ECT2: variants seen among roughly 807,000 people sequenced by gnomAD.
ECT2 encodes the protein protein ECT2.
In ECT2, 61 loss-of-function variants were observed where a neutral mutation model predicts 116.9. The observed-to-expected ratio is 0.52, with a 90% CI of 0.42 to 0.65. The LOEUF (loss-of-function observed/expected upper bound fraction) is 0.65. Ranked by LOEUF, ECT2 falls within the 30% of genes least tolerant of loss-of-function variation. The pLI, the probability that ECT2 is intolerant of heterozygous loss-of-function variation, is 0.00. For missense variants in ECT2, 937 were observed against 1,078.7 expected (o/e 0.87, Z 1.84); for synonymous variants, 358 against 346.4 (o/e 1.03, Z -0.37).
At chr3:172,822,505 T>A (rs538710338), downstream of ECT2, among the ~76,000 whole-genome samples, 1 of 152,084 alleles carries the variant, frequency 6.6e-6, no homozygotes, top group Admixed American at 6.5e-5. Flanking sequence ...GAGGCTAATA[T>A]ATAAGCCTTA....
intron 13 of ECT2, among the ~76,000 whole-genome samples, chr3:172,769,704 C>A (rs951108004): frequency 2.0e-5 from 3 of 152,064 alleles, no homozygotes; most frequent in Non-Finnish European, 4.4e-5. Context: ...AAGAAAACAG[C>A]TCTAATGAAT....
At position 172,774,027 on chromosome 3, in the gene ECT2, A is replaced by C. The variant is rs749854336; in HGVS notation, c.1548+5A>C. The stretch of plus-strand genomic sequence containing the variant: ...GATGTACACACTAAGATAAAGGTAA[A>C]TTTGTATATGTTAGATTGGTAGTAA... On this transcript the variant is annotated splice_donor_5th_base_variant and intron_variant, in intron 14 of 24. Coordinates refer to ENST00000392692, the MANE Select transcript of ECT2 (RefSeq NM_001258315.2). The C allele has an allele frequency of 6.2e-7, 1 of 1,609,310 alleles. No individual in the cohort carries two copies. Among genetic ancestry groups the C allele is most frequent in the South Asian group, 1.1e-5 (1 of 90,700 alleles).
intron 11 of ECT2, 133 bp from the exon 12 acceptor site, chr3:172,764,145 T>G: frequency 1.3e-6 from 1 of 742,334 alleles, no homozygotes; most frequent in Non-Finnish European, 2.2e-6. Flanking sequence ...TTGAATTGCC[T>G]GGTAGAGTGT....
intron 18 of ECT2, among the ~76,000 whole-genome samples, chr3:172,794,637 C>G (rs1725284733): frequency 6.6e-6 from 1 of 152,038 alleles, no homozygotes; most frequent in African/African-American, 2.4e-5. Flanking sequence ...ACAACAACAA[C>G]AACAACAAAA....
chr3:172,820,153 C>T lies in ECT2; in HGVS notation c.2661C>T (p.Ile887=). Residue 887 remains isoleucine, a synonymous_variant, in exon 25 of 25, where the codon ATC becomes ATT. Transcript: ENST00000392692. ...TGTTTGTTTTGTCTTAACAGGGTAT[C>T]CCTTCTCCCTCCCTTGTCAGCCTTC... ...RLSSTSSLAG[I]PSPSLVSLPS... 1 of 1,607,034 alleles carries T rather than the reference C, an allele frequency of 6.2e-7. No homozygotes were observed. Among genetic ancestry groups the T allele is most frequent in the Non-Finnish European group, 8.5e-7 (1 of 1,175,522 alleles).
chr3:172,773,741 AT>A (rs1376409343), intron 13 of ECT2, among the ~76,000 whole-genome samples, 161 bp from the exon 14 acceptor site: 2 of 152,232 alleles, frequency 1.3e-5, no homozygotes, highest in Admixed American at 6.5e-5. Flanking sequence ...AGTACATAAA[AT>A]AGAATAGAAA....
chr3:172,828,869 GACGGGTTCCTGGCATAGCCAATGATCA>G, the ECT2 span: 4 of 1,204,894 alleles, frequency 3.3e-6, no homozygotes, highest in Non-Finnish European at 4.8e-6. Context: ...GTGCCTGAGA[GACGGGTTCCTGGCATAGCCAATGATCA>G]AGCTGCCAAA....
intron 1 of ECT2, 104 bp from the exon 2 acceptor site, chr3:172,754,405 G>T (rs1302954848): frequency 1.3e-6 from 1 of 783,598 alleles, no homozygotes; most frequent in Non-Finnish European, 1.9e-6. Context: ...TTAAAAAAAT[G>T]GGTAATAATA....
Position 172,802,696 on chromosome 3 carries a change from TA to T in ECT2, c.1986+4del. Reference sequence around the variant, plus strand: ...GTTTATGAAGTAGATGGATGCCCAGTAAGTATTCTTCTTTAACAATTATTAA... The same window carrying T: ...GTTTATGAAGTAGATGGATGCCCAGTAGTATTCTTCTTTAACAATTATTAA... On this transcript the variant is annotated splice_donor_region_variant and intron_variant, in intron 19 of 24. Coordinates refer to ENST00000392692, the MANE Select transcript of ECT2 (RefSeq NM_001258315.2). The T allele has an allele frequency of 6.3e-7, 1 of 1,587,882 alleles. No homozygotes were observed. The highest frequency in any genetic ancestry group is 1.2e-5 in the South Asian group (1 of 85,676).
At chr3:172,759,176 G>C in intron 6 of ECT2, 107 bp downstream of exon 6, 1 of 750,826 alleles carries the variant, frequency 1.3e-6, no homozygotes, top group East Asian at 2.9e-5. Flanking sequence ...AATATTGAAG[G>C]ATAACTTATT....
Position 172,757,018 on chromosome 3 carries a change from G to T in ECT2, c.339G>T (p.Val113=). 6.2e-7 allele frequency: 1 copy of T among 1,608,500 alleles called. No individual in the cohort carries two copies. The highest frequency in any genetic ancestry group is 8.5e-7 in the Non-Finnish European group (1 of 1,178,466). ...IKVGFVKMES[V]EEFEGLDSPE... Reference sequence around the variant, plus strand: ...TGGGCTTTGTAAAGATGGAGTCAGTGGAAGAATTTGAAGGTTTGGATTCTC... The same window carrying T: ...TGGGCTTTGTAAAGATGGAGTCAGTTGAAGAATTTGAAGGTTTGGATTCTC... Residue 113 remains valine, a synonymous_variant, in exon 5 of 25, where the codon GTG becomes GTT. Transcript: ENST00000392692.
chr3:172,767,550 C>A (rs1004578794), intron 12 of ECT2, among the ~76,000 whole-genome samples: 1 of 152,110 alleles, frequency 6.6e-6, no homozygotes, highest in Non-Finnish European at 1.5e-5. Flanking sequence ...TATTATGGTT[C>A]TTTGTCACCT....
At chr3:172,789,927 C>G (rs1014085375) in intron 18 of ECT2, among the ~76,000 whole-genome samples, 7 of 152,210 alleles carry the variant, frequency 4.6e-5, no homozygotes, top group Non-Finnish European at 1.0e-4. Flanking sequence ...CCCTCAAAGT[C>G]ATCCATAAGG....
At chr3:172,816,049 G>A (rs1729656535) in intron 23 of ECT2, among the ~76,000 whole-genome samples, 1 of 152,126 alleles carries the variant, frequency 6.6e-6, no homozygotes, top group Non-Finnish European at 1.5e-5. Flanking sequence ...GGTAGTCAGG[G>A]GACCTGACTA....
intron 18 of ECT2, among the ~76,000 whole-genome samples, chr3:172,797,108 C>G (rs889389121): frequency 8.3e-4 from 126 of 151,056 alleles, no homozygotes; most frequent in African/African-American, 3.0e-3. Context: ...TGACTCACTG[C>G]AACCTCCACT....
At chr3:172,779,757 C>A (rs1381150614) in intron 14 of ECT2, among the ~76,000 whole-genome samples, 1 of 152,082 alleles carries the variant, frequency 6.6e-6, no homozygotes, top group African/African-American at 2.4e-5. Flanking sequence ...AATAAAACAG[C>A]TGGCTGTGGT....
At chr3:172,796,128 C>T (rs1284805315) in intron 18 of ECT2, among the ~76,000 whole-genome samples, 1 of 151,874 alleles carries the variant, frequency 6.6e-6, no homozygotes, top group Non-Finnish European at 1.5e-5. Context: ...AAATTTTTGT[C>T]CTAAGGCAAA....
At chr3:172,789,749 C>T (rs1273220870) in intron 18 of ECT2, among the ~76,000 whole-genome samples, 1 of 152,204 alleles carries the variant, frequency 6.6e-6, no homozygotes, top group Non-Finnish European at 1.5e-5. Context: ...GATTCCATCT[C>T]AGGAAACCAC....
At chr3:172,764,234 A>G in intron 11 of ECT2, 44 bp from the exon 12 acceptor site, 1 of 1,544,044 alleles carries the variant, frequency 6.5e-7, no homozygotes, top group Non-Finnish European at 8.9e-7. Context: ...TGTCTCAGTA[A>G]AGAACCATGG....
Sources: gnomAD v4.1 joint callset for allele counts (sites outside exome capture counted in the v4.1 genomes callset) on GRCh38, gnomAD v4.1.1 for gene constraint, MANE v1.5 for transcripts, NCBI Gene and HGNC (gene_info 2026-07-23, HGNC 2026-07-21) for gene names.